Variants in M1AP observed in about 807,000 individuals in gnomAD.
The protein encoded by M1AP is meiosis 1 associated protein.
In M1AP, 39 loss-of-function variants were observed where a neutral mutation model predicts 51.2. The observed-to-expected ratio is 0.76, with a 90% CI of 0.59 to 1.00. The LOEUF (loss-of-function observed/expected upper bound fraction) is 1.00. Ranked by LOEUF, M1AP falls within the 50% of genes least tolerant of loss-of-function variation. The probability of loss-of-function intolerance (pLI) is 0.00; values close to 1 mark genes in which losing one functional copy is unlikely to be tolerated. For missense variants in M1AP, 545 were observed against 641.2 expected (o/e 0.85, Z 1.62); for synonymous variants, 251 against 249.2 (o/e 1.01, Z -0.07).
At chr2:74,632,224 T>G (rs929550908) in intron 2 of M1AP, among the ~76,000 whole-genome samples, 1 of 152,202 alleles carries the variant, frequency 6.6e-6, no homozygotes, top group Non-Finnish European at 1.5e-5. Context: ...GCAGACCTCA[T>G]GGGGAAAAAG....
chr2:74,638,771 A>T (rs1174979987), intron 2 of M1AP, among the ~76,000 whole-genome samples: 1 of 152,198 alleles, frequency 6.6e-6, no homozygotes, highest in Non-Finnish European at 1.5e-5. Context: ...CAATCTCATG[A>T]GGGACCCCAA....
In M1AP at chr2:74,576,545, C is replaced by T; in HGVS notation, c.843G>A (p.Leu281=). Residue 281 remains leucine (L), a synonymous_variant, in exon 6 of 11, where the codon TTG becomes TTA. Coordinates refer to ENST00000421985, the MANE Select transcript of M1AP (RefSeq NM_001321739.2). ...AGTCTCCTTTAGGGTCATCCATTCTCAAGGAGCCGTCAGCTGTGCCAGCGA... is the reference window on the plus strand; with the variant it reads ...AGTCTCCTTTAGGGTCATCCATTCTTAAGGAGCCGTCAGCTGTGCCAGCGA... The part of the protein sequence containing the change: ...SLLAGTADGS[L]RMDDPKGDFI... The T allele has an allele frequency of 6.2e-7, 1 of 1,614,052 alleles. No individual in the cohort carries two copies. The highest frequency in any genetic ancestry group is 8.5e-7 in the Non-Finnish European group (1 of 1,179,938).
At position 74,576,549 on chromosome 2, in the gene M1AP, G is replaced by A. The variant is rs142319651; in HGVS notation, c.839C>T (p.Ser280Phe). Reference sequence around the variant, plus strand: ...TCCTTTAGGGTCATCCATTCTCAAGGAGCCGTCAGCTGTGCCAGCGAGTAG... The same window carrying A: ...TCCTTTAGGGTCATCCATTCTCAAGAAGCCGTCAGCTGTGCCAGCGAGTAG... ...PSLLAGTADG[S>F]LRMDDPKGDF... The change falls in exon 6 of 11, where the codon TCC becomes TTC. Residue 280 changes from serine (S) to phenylalanine (F), a missense_variant. Coordinates refer to ENST00000421985, the MANE Select transcript of M1AP (RefSeq NM_001321739.2). The A allele has an allele frequency of 1.2e-4, 199 of 1,613,994 alleles. No individual in the cohort carries two copies. The highest frequency in any genetic ancestry group is 1.6e-4 in the Non-Finnish European group (184 of 1,179,990).
At chr2:74,618,189 A>C (rs1681782183) in intron 2 of M1AP, among the ~76,000 whole-genome samples, 1 of 152,198 alleles carries the variant, frequency 6.6e-6, no homozygotes, top group African/African-American at 2.4e-5. Flanking sequence ...AAGGAATTCC[A>C]TGATCACAGA....
chr2:74,558,622 G>A lies in M1AP; in HGVS notation c.*94C>T. 6.8e-7 allele frequency: 1 copy of A among 1,461,328 alleles called. No homozygotes were observed. The highest frequency in any genetic ancestry group is 2.4e-5 in the East Asian group (1 of 41,750). The allele number at this position is 1,461,328 out of a possible 1,614,324, so 90.5% of individuals were successfully genotyped here. A position where few individuals can be genotyped will look rare whatever the true frequency, so the allele number is the denominator to read the frequency against. ...TCAGCCCTCACTCACAGAGGCTCAG[G>A]CGGATAGAGAGCAAGTCTGACCACA... On this transcript the variant is annotated 3_prime_UTR_variant, in exon 11 of 11. Coordinates refer to ENST00000421985, the MANE Select transcript of M1AP (RefSeq NM_001321739.2).
chr2:74,594,476 AT>A (rs1680213540), intron 4 of M1AP, among the ~76,000 whole-genome samples: 1 of 152,218 alleles, frequency 6.6e-6, no homozygotes, highest in Non-Finnish European at 1.5e-5. Flanking sequence ...ATTTAAAAAG[AT>A]TTAACATTTG....
chr2:74,602,597 A>T (rs984036350), intron 4 of M1AP, among the ~76,000 whole-genome samples: 6 of 152,218 alleles, frequency 3.9e-5, no homozygotes, highest in African/African-American at 1.4e-4. Flanking sequence ...ATTTTGGAGC[A>T]CACATCCTTC....
At chr2:74,563,264 T>C (rs902000055) in intron 7 of M1AP, among the ~76,000 whole-genome samples, 2 of 151,920 alleles carry the variant, frequency 1.3e-5, no homozygotes, top group African/African-American at 2.4e-5. Context: ...GACAGACAGA[T>C]AGAGAGAAGG....
intron 4 of M1AP, among the ~76,000 whole-genome samples, chr2:74,604,425 T>C (rs1680849387): frequency 6.6e-6 from 1 of 152,242 alleles, no homozygotes; most frequent in Admixed American, 6.5e-5. Flanking sequence ...GATGAAACTG[T>C]TCCACCTCTG....
At chr2:74,587,863 C>T (rs565518331) in intron 4 of M1AP, among the ~76,000 whole-genome samples, 17 of 152,242 alleles carry the variant, frequency 1.1e-4, no homozygotes, top group African/African-American at 2.9e-4. Context: ...TGCCCTCCTG[C>T]GGCCACAATG....
intron 4 of M1AP, among the ~76,000 whole-genome samples, chr2:74,593,577 C>T (rs1196273462): frequency 6.6e-6 from 1 of 152,104 alleles, no homozygotes; most frequent in Non-Finnish European, 1.5e-5. Flanking sequence ...GACAAGGTTT[C>T]ACCATGTTTG....
chr2:74,574,208 A>T (rs763295215), intron 7 of M1AP, among the ~76,000 whole-genome samples: 2 of 152,088 alleles, frequency 1.3e-5, no homozygotes, highest in Non-Finnish European at 2.9e-5. Context: ...CTTGCATTCT[A>T]TTTGCAGTTG....
chr2:74,630,048 C>T (rs1682615593), intron 2 of M1AP, among the ~76,000 whole-genome samples: 1 of 151,778 alleles, frequency 6.6e-6, no homozygotes, highest in African/African-American at 2.4e-5. Context: ...TCAGGTGATC[C>T]TCCTGCCTTA....
At chr2:74,570,051 A>G (rs1678636178) in intron 7 of M1AP, among the ~76,000 whole-genome samples, 1 of 152,132 alleles carries the variant, frequency 6.6e-6, no homozygotes, top group South Asian at 2.1e-4. Flanking sequence ...GAATACACAA[A>G]TCACTTTAAA....
chr2:74,611,888 T>TG (rs1681375526), intron 3 of M1AP, among the ~76,000 whole-genome samples: 1 of 69,304 alleles, frequency 1.4e-5, no homozygotes, highest in African/African-American at 5.4e-5. Context: ...AAGTGTTTTT[T>TG]TTTTTTTTTT....
intron 2 of M1AP, among the ~76,000 whole-genome samples, chr2:74,635,224 C>T (rs1178037560): frequency 1.3e-5 from 2 of 152,050 alleles, no homozygotes. Context: ...TTGTGCTTTT[C>T]AAGGAATTGG....
At chr2:74,605,800 C>T (rs1282807819) in intron 4 of M1AP, among the ~76,000 whole-genome samples, 3 of 151,922 alleles carry the variant, frequency 2.0e-5, no homozygotes, top group Non-Finnish European at 2.9e-5. Flanking sequence ...ACTCAGGAGG[C>T]CGAGGCAGGA....
At chr2:74,609,762 G>A (rs374883941) in intron 3 of M1AP, among the ~76,000 whole-genome samples, 1 of 152,158 alleles carries the variant, frequency 6.6e-6, no homozygotes, top group South Asian at 2.1e-4. Flanking sequence ...TCTAACTGGG[G>A]TGAGGTAATA....
intron 2 of M1AP, 130 bp downstream of exon 2, chr2:74,639,906 T>C: frequency 2.5e-6 from 2 of 793,102 alleles, no homozygotes; most frequent in East Asian, 2.6e-5. Context: ...ATGGTGTTAC[T>C]CGGGGGCTAC....
Sources: allele counts gnomAD v4.1 joint callset (sites outside exome capture counted in the v4.1 genomes callset), GRCh38; gene constraint gnomAD v4.1.1; transcripts MANE v1.5; gene names NCBI Gene and HGNC (gene_info 2026-07-23, HGNC 2026-07-21).